The following KCNH8 variants were observed in gnomAD, a reference collection of about 807,000 sequenced individuals.
KCNH8 encodes potassium voltage-gated channel subfamily H member 8.
A neutral mutation model predicts 103.6 loss-of-function variants in KCNH8; 70 were observed. That is an observed-to-expected ratio of 0.68 (90% confidence interval 0.56 to 0.82). The LOEUF is 0.82. Ranked by LOEUF, KCNH8 falls within the 40% of genes least tolerant of loss-of-function variation. The pLI, the probability that KCNH8 is intolerant of heterozygous loss-of-function variation, is 0.00. For synonymous variants in KCNH8, 498 were observed against 489.4 expected (o/e 1.02, Z -0.23); for missense variants, 1,217 against 1,329.9 (o/e 0.92, Z 1.32).
intron 12 of KCNH8, among the ~76,000 whole-genome samples, chr3:19,512,151 A>G: frequency 6.6e-6 from 1 of 152,210 alleles, no homozygotes; most frequent in East Asian, 1.9e-4. Flanking sequence ...CCAGAAGCAC[A>G]CACTATTACA....
intron 1 of KCNH8, among the ~76,000 whole-genome samples, chr3:19,191,488 G>A (rs1198617164): frequency 1.3e-5 from 2 of 151,790 alleles, no homozygotes; most frequent in East Asian, 3.9e-4. Flanking sequence ...TAACTAATGG[G>A]CAGATTTTGT....
intron 1 of KCNH8, among the ~76,000 whole-genome samples, chr3:19,235,801 C>A (rs868338987): frequency 6.6e-6 from 1 of 152,236 alleles, no homozygotes; most frequent in African/African-American, 2.4e-5. Context: ...GAAAGACATC[C>A]TAGTTGAAAT....
chr3:19,180,753 T>G (rs1053339748), intron 1 of KCNH8, among the ~76,000 whole-genome samples: 1 of 152,102 alleles, frequency 6.6e-6, no homozygotes, highest in Non-Finnish European at 1.5e-5. Flanking sequence ...AAAGACTATT[T>G]GATAGGCTAT....
intron 7 of KCNH8, among the ~76,000 whole-genome samples, chr3:19,409,680 A>G (rs1182748676): frequency 6.6e-6 from 1 of 152,140 alleles, no homozygotes; most frequent in Non-Finnish European, 1.5e-5. Flanking sequence ...ATACCATGCA[A>G]ACAGAAAACA....
intron 11 of KCNH8, among the ~76,000 whole-genome samples, chr3:19,467,700 C>T (rs536515212): frequency 9.2e-5 from 14 of 152,184 alleles, no homozygotes; most frequent in Non-Finnish European, 1.3e-4. Flanking sequence ...CTTGTATCCT[C>T]TTATGACCTC....
chr3:19,466,716 T>G (rs1357065759), intron 11 of KCNH8, among the ~76,000 whole-genome samples: 1 of 125,160 alleles, frequency 8.0e-6, no homozygotes, highest in Non-Finnish European at 1.6e-5. Context: ...CAGGCTGGAG[T>G]GCAATGACAC....
At position 19,534,257 on chromosome 3, in the gene KCNH8, C is replaced by A; in HGVS notation, c.*158C>A. The A allele has an allele frequency of 1.6e-6, 1 of 608,634 alleles. No individual in the cohort carries two copies. The highest frequency in any genetic ancestry group is 2.9e-6 in the Non-Finnish European group (1 of 344,610). The allele number at this position is 608,634 out of a possible 1,614,324, so 37.7% of individuals were successfully genotyped here. ...AGGGAAAGGCAGAACCACCTCCATG[C>A]TGTAGCAAACAATTTCTAGATACTA... On this transcript the variant is annotated 3_prime_UTR_variant, in exon 16 of 16. Coordinates refer to ENST00000328405, the MANE Select transcript of KCNH8 (RefSeq NM_144633.3).
intron 7 of KCNH8, among the ~76,000 whole-genome samples, chr3:19,435,950 T>C (rs2067192908): frequency 6.6e-6 from 1 of 152,144 alleles, no homozygotes; most frequent in Admixed American, 6.5e-5. Flanking sequence ...AAGTATATTA[T>C]TGTAGGAAAT....
rs142290330 is a variant in KCNH8, at chr3:19,261,177, T to C, written c.310+7290T>C. Among the ~76,000 whole-genome samples, 12 of 151,712 alleles carry C rather than the reference T, an allele frequency of 7.9e-5. No homozygotes were observed. In the East Asian group the frequency reaches 2.3e-3, roughly 30 times the overall value. ...TTAATTTATTTAGGAACCCCCATAC[T>C]GTTTTTCATAATGGCTTCACCAATC... is the stretch of plus-strand genomic sequence containing the variant. On this transcript the variant is annotated intron_variant, in intron 2 of 15. Transcript: ENST00000328405.
chr3:19,431,907 C>G (rs898057939), intron 7 of KCNH8, among the ~76,000 whole-genome samples: 6 of 152,046 alleles, frequency 3.9e-5, no homozygotes, highest in African/African-American at 1.4e-4. Flanking sequence ...CTTTATTAAT[C>G]TAGCTAGTGG....
At chr3:19,423,081 A>G (rs2066974343) in intron 7 of KCNH8, among the ~76,000 whole-genome samples, 1 of 152,068 alleles carries the variant, frequency 6.6e-6, no homozygotes, top group Non-Finnish European at 1.5e-5. Flanking sequence ...CAGCATAAGG[A>G]TTGAATGCCA....
At chr3:19,418,916 T>C (rs1183564972) in intron 7 of KCNH8, among the ~76,000 whole-genome samples, 1 of 152,200 alleles carries the variant, frequency 6.6e-6, no homozygotes, top group Non-Finnish European at 1.5e-5. Context: ...TTCTCTGTTA[T>C]ACTAATGGTG....
At chr3:19,172,227 T>C (rs982139487) in intron 1 of KCNH8, among the ~76,000 whole-genome samples, 4 of 152,182 alleles carry the variant, frequency 2.6e-5, no homozygotes, top group African/African-American at 9.7e-5. Context: ...TGGAACTATA[T>C]GTACCTCAGA....
intron 3 of KCNH8, among the ~76,000 whole-genome samples, chr3:19,316,286 GCCAGTAATAC>G (rs1264719185): frequency 6.6e-6 from 1 of 151,756 alleles, no homozygotes; most frequent in Non-Finnish European, 1.5e-5. Flanking sequence ...CCCACTAAAT[GCCAGTAATAC>G]CCACACACAA....
chr3:19,347,856 T>C lies in KCNH8; in HGVS notation c.702T>C (p.Tyr234=), dbSNP rs757668748. 2.5e-6 allele frequency: 4 copies of C among 1,613,470 alleles called. No individual in the cohort carries two copies. The Admixed American group carries it at 5.0e-5, about 20-fold the overall frequency. ...WDWLILLATF[Y]VAVTVPYNVC... ...GGCTTATTTTGTTGGCAACGTTTTATGTTGCTGTGACTGTACCTTACAACG... is the reference window on the plus strand; with the variant it reads ...GGCTTATTTTGTTGGCAACGTTTTACGTTGCTGTGACTGTACCTTACAACG... The change falls in exon 5 of 16, where the codon TAT becomes TAC. Residue 234 remains tyrosine, a synonymous_variant. Transcript: ENST00000328405.
intron 1 of KCNH8, among the ~76,000 whole-genome samples, chr3:19,170,625 T>C (rs541331807): frequency 6.3e-5 from 9 of 142,392 alleles, no homozygotes; most frequent in African/African-American, 2.5e-4. Context: ...CACACACATA[T>C]ATATATACAC....
At chr3:19,187,193 A>G (rs1386821199) in intron 1 of KCNH8, among the ~76,000 whole-genome samples, 1 of 151,984 alleles carries the variant, frequency 6.6e-6, no homozygotes, top group African/African-American at 2.4e-5. Flanking sequence ...CATTTAACCA[A>G]TAGAGAATAT....
At chr3:19,489,702 AACACCACACTC>A (rs376162750) in intron 11 of KCNH8, among the ~76,000 whole-genome samples, 192 of 152,090 alleles carry the variant, frequency 1.3e-3, no homozygotes, top group Middle Eastern at 3.4e-3. Context: ...CTCCAGACAA[AACACCACACTC>A]ACACCACACT....
At chr3:19,247,301 A>T (rs1212992564) in intron 1 of KCNH8, among the ~76,000 whole-genome samples, 4 of 152,198 alleles carry the variant, frequency 2.6e-5, no homozygotes, top group Admixed American at 2.6e-4. Context: ...TCTAATAAAG[A>T]TGCTATCATA....
Sources: gnomAD v4.1 joint callset for allele counts (sites outside exome capture counted in the v4.1 genomes callset) on GRCh38, gnomAD v4.1.1 for gene constraint, MANE v1.5 for transcripts, NCBI Gene and HGNC (gene_info 2026-07-23, HGNC 2026-07-21) for gene names.